Variants in CACNA2D1 observed in about 807,000 individuals in gnomAD.
CACNA2D1 encodes the protein voltage-dependent calcium channel subunit alpha-2/delta-1.
A neutral mutation model predicts 171.5 loss-of-function variants in CACNA2D1; 53 were observed. The ratio of observed to expected loss-of-function variants is 0.31; its 90% CI spans 0.25 to 0.39. The LOEUF (loss-of-function observed/expected upper bound fraction) is 0.39. CACNA2D1 is among the 10% of genes least tolerant of loss of function. The pLI, the probability that CACNA2D1 is intolerant of heterozygous loss-of-function variation, is 1.00. For missense variants in CACNA2D1, 903 were observed against 1,299.8 expected, an observed-to-expected ratio of 0.69 and a Z score of 4.69; for synonymous variants, 442 against 443.1, an observed-to-expected ratio of 1.00 and a Z score of 0.03.
At chr7:82,365,518 A>G (rs1821587559) in intron 1 of CACNA2D1, among the ~76,000 whole-genome samples, 1 of 152,236 alleles carries the variant, frequency 6.6e-6, no homozygotes, top group Non-Finnish European at 1.5e-5. Context: ...ACTCAAGAAT[A>G]CATCCTTTCA....
chr7:82,374,387 C>G (rs1445180694), intron 1 of CACNA2D1, among the ~76,000 whole-genome samples: 1 of 152,164 alleles, frequency 6.6e-6, no homozygotes, highest in Admixed American at 6.6e-5. Context: ...ACAGACACGG[C>G]TCTATTTGTA....
chr7:82,419,214 GTACC>G (rs1265905369), intron 1 of CACNA2D1, among the ~76,000 whole-genome samples: 1 of 151,638 alleles, frequency 6.6e-6, no homozygotes, highest in Non-Finnish European at 1.5e-5. Flanking sequence ...CTCTGTAATT[GTACC>G]TCTCTGAAAA....
At chr7:82,349,968 A>C (rs112139818) in intron 1 of CACNA2D1, among the ~76,000 whole-genome samples, 7 of 152,194 alleles carry the variant, frequency 4.6e-5, no homozygotes, top group African/African-American at 1.7e-4. Flanking sequence ...AACATTCTAA[A>C]CTACAAACTT....
Position 82,245,634 on chromosome 7 carries a change from A to G in CACNA2D1, c.295-75025T>C, listed in dbSNP as rs185141598. ...TTGTAAATTGATTGTCCAGACACAC[A>G]CAAAATGTCTCTCTCTCTCTCTCTC... On this transcript the variant is annotated intron_variant, in intron 3 of 38. Coordinates refer to ENST00000356860, the MANE Select transcript of CACNA2D1 (RefSeq NM_000722.4). Among the ~76,000 whole-genome samples the G allele has an allele frequency of 1.1e-3, 161 of 147,104 alleles. 2 individuals carry two copies. The South Asian group carries it at 0.012, about 11-fold the overall frequency.
chr7:82,056,946 G>GT (rs1395155635), intron 10 of CACNA2D1, among the ~76,000 whole-genome samples: 1 of 122,220 alleles, frequency 8.2e-6, no homozygotes, highest in Non-Finnish European at 1.8e-5. Flanking sequence ...AGGACTCACA[G>GT]GGTCTACCAT....
rs2129460386 is a variant in CACNA2D1 at position 82,443,683 on chromosome 7, C to A, written c.-224G>T. The A allele has an allele frequency of 2.4e-6, 3 of 1,237,240 alleles. No individual in the cohort carries two copies. Among genetic ancestry groups the A allele is most frequent in the South Asian group, 4.1e-5 (1 of 24,666 alleles). 76.6% of individuals were successfully genotyped at this position (1,237,240 alleles called of 1,614,324 possible). ...GGGCGGACCCACTAGCGTGCGTCGGCTGCTCCGCGCCGCGGCCGCCTTGCC... is the reference window on the plus strand; with the variant it reads ...GGGCGGACCCACTAGCGTGCGTCGGATGCTCCGCGCCGCGGCCGCCTTGCC... On this transcript the variant is annotated 5_prime_UTR_variant, in exon 1 of 39. Transcript: ENST00000356860.
chr7:82,223,663 C>G (rs547224683), intron 3 of CACNA2D1, among the ~76,000 whole-genome samples: 5 of 152,210 alleles, frequency 3.3e-5, no homozygotes, highest in African/African-American at 1.2e-4. Flanking sequence ...ACTATCAGGC[C>G]TTTTGTGTTG....
At chr7:82,140,963 A>G (rs1468576727) in intron 4 of CACNA2D1, among the ~76,000 whole-genome samples, 2 of 139,462 alleles carry the variant, frequency 1.4e-5, no homozygotes, top group East Asian at 4.4e-4. Flanking sequence ...CTAAAAAAAA[A>G]AAAAAAGAAA....
Position 82,331,950 on chromosome 7 carries a change from TA to T in CACNA2D1, c.294+3184del, listed in dbSNP as rs200343055. Among the ~76,000 whole-genome samples, 1,319 of 152,236 alleles carry T rather than the reference TA, an allele frequency of 8.7e-3. 28 individuals carry two copies. The South Asian group carries it at 0.094, about 11-fold the overall frequency. On this transcript the variant is annotated intron_variant, in intron 3 of 38. Coordinates refer to ENST00000356860, the MANE Select transcript of CACNA2D1 (RefSeq NM_000722.4). ...TTTTTATTACAAACATTTACTTAAA[TA>T]AAAAAGGGTATTCTCTCTCCAAAAT...
chr7:82,140,796 A>G (rs1792276871), intron 4 of CACNA2D1, among the ~76,000 whole-genome samples: 1 of 151,872 alleles, frequency 6.6e-6, no homozygotes, highest in African/African-American at 2.4e-5. Flanking sequence ...TCTACTAAAA[A>G]TACAAAAAAT....
chr7:82,007,880 G>A (rs1799296345), intron 15 of CACNA2D1, 124 bp from the exon 16 acceptor site: 2 of 659,332 alleles, frequency 3.0e-6, no homozygotes, highest in Admixed American at 5.1e-5. Context: ...ACAAAAACTA[G>A]TAACTCATTT....
chr7:82,240,740 G>C (rs574674556), intron 3 of CACNA2D1, among the ~76,000 whole-genome samples: 3 of 152,052 alleles, frequency 2.0e-5, no homozygotes, highest in Non-Finnish European at 2.9e-5. Context: ...AGGACGAGGC[G>C]GGCGGATCAC....
intron 19 of CACNA2D1, among the ~76,000 whole-genome samples, chr7:81,995,729 G>A (rs191419935): frequency 4.5e-4 from 68 of 150,852 alleles, no homozygotes; most frequent in African/African-American, 1.6e-3. Flanking sequence ...AACCCAGGAG[G>A]TGGAGGTTGC....
At chr7:82,032,588 G>C (rs1802838467) in intron 12 of CACNA2D1, among the ~76,000 whole-genome samples, 2 of 151,270 alleles carry the variant, frequency 1.3e-5, no homozygotes, top group South Asian at 4.2e-4. Flanking sequence ...AACATATTAG[G>C]CATGAGTTGC....
chr7:82,066,639 C>G (rs537164956), intron 7 of CACNA2D1, 115 bp from the exon 8 acceptor site: 1 of 1,405,446 alleles, frequency 7.1e-7, no homozygotes, highest in East Asian at 2.5e-5. Context: ...TTACGTACTT[C>G]AATGTTCAAA....
intron 6 of CACNA2D1, among the ~76,000 whole-genome samples, chr7:82,100,741 T>G (rs944765302): frequency 6.6e-6 from 1 of 152,230 alleles, no homozygotes; most frequent in Admixed American, 6.5e-5. Flanking sequence ...AGATTTGAAA[T>G]GGTATTCTAA....
At chr7:82,359,960 T>C (rs1267000650) in intron 1 of CACNA2D1, among the ~76,000 whole-genome samples, 1 of 152,180 alleles carries the variant, frequency 6.6e-6, no homozygotes. Flanking sequence ...GTAGATACCG[T>C]TATTAGTCCT....
intron 3 of CACNA2D1, among the ~76,000 whole-genome samples, chr7:82,253,128 A>G (rs1188840784): frequency 1.3e-5 from 2 of 152,220 alleles, no homozygotes; most frequent in Non-Finnish European, 2.9e-5. Context: ...CTGGAGAAGA[A>G]GGGCTTATAC....
intron 6 of CACNA2D1, among the ~76,000 whole-genome samples, chr7:82,110,980 C>G (rs1365075093): frequency 1.3e-5 from 2 of 152,024 alleles, no homozygotes; most frequent in Non-Finnish European, 2.9e-5. Context: ...AGAATTTTGA[C>G]CATTTAGTCA....
Sources: allele counts gnomAD v4.1 joint callset (sites outside exome capture counted in the v4.1 genomes callset), GRCh38; gene constraint gnomAD v4.1.1; transcripts MANE v1.5; gene names NCBI Gene and HGNC (gene_info 2026-07-23, HGNC 2026-07-21).